The following MPRIP variants were observed in gnomAD, a reference collection of about 807,000 sequenced individuals.
MPRIP encodes myosin phosphatase Rho interacting protein.
Under a neutral mutation model 234.9 loss-of-function variants are expected in MPRIP, and 59 were observed. The observed-to-expected ratio is 0.25, with a 90% CI of 0.20 to 0.31. The LOEUF (loss-of-function observed/expected upper bound fraction) is 0.31. Among genes scored for constraint, MPRIP ranks in the 10% least tolerant of loss-of-function variants. The pLI, the probability that MPRIP is intolerant of heterozygous loss-of-function variation, is 1.00. For synonymous variants in MPRIP, 1,144 were observed against 1,263.9 expected (o/e 0.91, Z 2.01); for missense variants, 2,436 against 3,071.0 (o/e 0.79, Z 4.89).
Position 17,174,046 on chromosome 17 carries a change from G to A in MPRIP, c.6721G>A (p.Glu2241Lys). 1 of 1,613,416 alleles carries A rather than the reference G, an allele frequency of 6.2e-7. No individual in the cohort carries two copies. The highest frequency in any genetic ancestry group is 8.5e-7 in the Non-Finnish European group (1 of 1,180,016). ...ERQALRQCQR[E>K]NQELNAHNQE... ...GCAGGCCCTGCGGCAGTGCCAGCGT[G>A]AGAACCAGGAGCTCAATGCCCACAA... is the stretch of plus-strand genomic sequence containing the variant. The change falls in exon 19 of 24, where the codon GAG (glutamate) becomes AAG (lysine). Residue 2241 changes from glutamate (E) to lysine (K), a missense_variant. Physicochemically the swap from Glu to Lys is moderately conservative, Grantham distance 56 (BLOSUM62 1). Around this residue, in one of 4 missense-constraint regions of MPRIP, gnomAD observed 1,998 missense variants for 2,520.3 expected, o/e 0.79. Transcript: ENST00000651222.
At chr17:17,175,831 A>G (rs572519087) in intron 20 of MPRIP, among the ~76,000 whole-genome samples, 1 of 152,368 alleles carries the variant, frequency 6.6e-6, no homozygotes, top group African/African-American at 2.4e-5. Context: ...TCCACATTCA[A>G]TTAAAATTTC....
intron 14 of MPRIP, 110 bp downstream of exon 14, chr17:17,159,112 G>T: frequency 8.9e-7 from 1 of 1,126,952 alleles, no homozygotes; most frequent in African/African-American, 1.6e-5. Context: ...ACCCGCGAGG[G>T]ACTTGCAGAC....
intron 3 of MPRIP, among the ~76,000 whole-genome samples, chr17:17,113,033 G>A (rs962429175): frequency 6.6e-6 from 1 of 152,196 alleles, no homozygotes; most frequent in Non-Finnish European, 1.5e-5. Flanking sequence ...ATGAGCTTTG[G>A]GAGCTGTCCA....
At chr17:17,130,792 C>T (rs113777583) in intron 4 of MPRIP, among the ~76,000 whole-genome samples, 2,684 of 152,276 alleles carry the variant, frequency 0.018, 94 homozygotes, top group African/African-American at 0.061. Flanking sequence ...CGTCTAGCCC[C>T]CACAGGACTG....
In MPRIP at chr17:17,166,738, A is replaced by C; in HGVS notation, c.5147A>C (p.Gln1716Pro). Residue 1716 changes from glutamine to proline, a missense_variant, in exon 16 of 24, where the codon CAA (glutamine) becomes CCA (proline). Physicochemically the swap from Gln to Pro is moderately conservative, Grantham distance 76. Transcript: ENST00000651222. This position sits in a 1 kb window ranked among gnomAD's most constrained non-coding sequence, Gnocchi z 4.4. ...CLLREILGAY[Q>P]TPDFERVMQQ... Reference sequence around the variant, plus strand: ...CTGAGGGAAATCCTGGGAGCCTACCAAACCCCAGACTTTGAAAGAGTGATG... The same window carrying C: ...CTGAGGGAAATCCTGGGAGCCTACCCAACCCCAGACTTTGAAAGAGTGATG... 3 of 1,304,206 alleles carry C rather than the reference A, an allele frequency of 2.3e-6. No homozygotes were observed. Among genetic ancestry groups the C allele is most frequent in the Non-Finnish European group, 3.0e-6 (3 of 988,954 alleles). The allele number at this position is 1,304,206 out of a possible 1,614,324, so 80.8% of individuals were successfully genotyped here.
At chr17:17,043,514 T>TG (rs1349134668) in intron 1 of MPRIP, among the ~76,000 whole-genome samples, 1 of 152,150 alleles carries the variant, frequency 6.6e-6, no homozygotes, top group African/African-American at 2.4e-5. Flanking sequence ...AGCGGGGAGC[T>TG]GGGACCAGTT....
chr17:17,099,214 C>A (rs534562882), intron 3 of MPRIP, among the ~76,000 whole-genome samples: 5 of 152,272 alleles, frequency 3.3e-5, no homozygotes, highest in Non-Finnish European at 5.9e-5. Flanking sequence ...GGACACACTC[C>A]CCGTCCTCTG....
intron 18 of MPRIP, 70 bp downstream of exon 18, chr17:17,172,885 G>C: frequency 1.4e-6 from 2 of 1,395,710 alleles, no homozygotes; most frequent in East Asian, 4.6e-5. Context: ...CCACAGCTGG[G>C]CCCTTCCTGT....
In MPRIP at chr17:17,134,621, G is replaced by A. The variant is rs55881490; in HGVS notation, c.505-1598G>A. ...GAGCCTCCCTGCTTTTATCCTGTCC[G>A]TGAGGCCTGGAATCCTTGCAAAAGT... On this transcript the variant is annotated intron_variant, in intron 5 of 23. Coordinates refer to ENST00000651222, the MANE Select transcript of MPRIP (RefSeq NM_001364716.4). Among the ~76,000 whole-genome samples, 203 of 152,278 alleles carry A rather than the reference G, an allele frequency of 1.3e-3. 1 individual carries two copies. The highest frequency in any genetic ancestry group is 2.4e-3 in the Non-Finnish European group (163 of 68,018).
In MPRIP at chr17:17,190,703, CAGT is replaced by C. The variant is rs1433885133; in HGVS notation, c.*5812_*5814del. The C allele has an allele frequency of 6.6e-6, 1 of 152,150 alleles. No homozygotes were observed. Among genetic ancestry groups the C allele is most frequent in the Non-Finnish European group, 1.5e-5 (1 of 68,028 alleles). The allele number at this position is 152,150 out of a possible 1,614,324, so 9.4% of individuals were successfully genotyped here. A position where few individuals can be genotyped will look rare whatever the true frequency, so the allele number is the denominator to read the frequency against. The stretch of plus-strand genomic sequence containing the variant: ...AAGGCTCTTGGCAGGGTAGGGGAGT[CAGT>C]AGCTCAACACTAGATCATCCCTAGA... On this transcript the variant is annotated 3_prime_UTR_variant, in exon 24 of 24. Coordinates refer to ENST00000651222, the MANE Select transcript of MPRIP (RefSeq NM_001364716.4).
chr17:17,142,437 A>T (rs921268959), intron 7 of MPRIP, 190 bp from the exon 8 acceptor site: 1 of 610,460 alleles, frequency 1.6e-6, no homozygotes. Flanking sequence ...CGCAGGCCTG[A>T]TGGGAGGGAG....
intron 15 of MPRIP, among the ~76,000 whole-genome samples, chr17:17,162,510 C>T (rs560061932): frequency 6.4e-4 from 97 of 152,312 alleles, no homozygotes; most frequent in East Asian, 7.7e-4. Context: ...ATGCCCTAGA[C>T]TCTCCTCTCC....
Position 17,138,903 on chromosome 17 carries a change from G to A in MPRIP, c.1250+474G>A, listed in dbSNP as rs937161702. ...GACAGGCATGCCCAGGAAGGTGGGG[G>A]CAGCACAGGTTCCTCTCTCAAGGAC... On this transcript the variant is annotated intron_variant, in intron 7 of 23. Transcript: ENST00000651222. The surrounding 1 kb of genome is among the most constrained non-coding windows in gnomAD (Gnocchi z 5.8). 2.6e-5 allele frequency among the ~76,000 whole-genome samples: 4 copies of A among 152,322 alleles called. No individual in the cohort carries two copies. The highest frequency in any genetic ancestry group is 9.6e-5 in the African/African-American group (4 of 41,570).
In MPRIP at chr17:17,167,913, A is replaced by G; in HGVS notation, c.6322A>G (p.Lys2108Glu). 1 of 1,302,586 alleles carries G rather than the reference A, an allele frequency of 7.7e-7. No individual in the cohort carries two copies. The highest frequency in any genetic ancestry group is 1.0e-6 in the Non-Finnish European group (1 of 988,322). 80.7% of individuals were successfully genotyped at this position (1,302,586 alleles called of 1,614,324 possible). A position where few individuals can be genotyped will look rare whatever the true frequency, so the allele number is the denominator to read the frequency against. ...GTACCAGAGGGACTTGGAGAGCCTT[A>G]AGGTCTTAACGCCCCATTCAATTTG... ...EKYQRDLESL[K>E]ATCERGFAAM... Residue 2108 changes from lysine (K) to glutamate (E), a missense_variant and splice_region_variant, in exon 16 of 24, where the codon AAG becomes GAG. Around this residue, in one of 4 missense-constraint regions of MPRIP, gnomAD observed 1,998 missense variants for 2,520.3 expected, o/e 0.79. Transcript: ENST00000651222. This position sits in a 1 kb window ranked among gnomAD's most constrained non-coding sequence, Gnocchi z 5.9.
chr17:17,095,849 GCCT>G (rs910470957), intron 3 of MPRIP, among the ~76,000 whole-genome samples: 1 of 152,126 alleles, frequency 6.6e-6, no homozygotes, highest in African/African-American at 2.4e-5. Context: ...GTGCCAGCCT[GCCT>G]CCTCCTAGCT....
rs892628561 is a variant in MPRIP, at chr17:17,064,352, C to T, written c.124-11358C>T. ...AAGTAGCTGGGACTACAGGTGCGTG[C>T]CACTGTTTTTCCTTTTTTATTAAAC... On this transcript the variant is annotated intron_variant, in intron 1 of 23. Transcript: ENST00000651222. Among the ~76,000 whole-genome samples, 4 of 152,116 alleles carry T rather than the reference C, an allele frequency of 2.6e-5. 1 individual carries two copies. The highest frequency in any genetic ancestry group is 9.6e-5 in the African/African-American group (4 of 41,468).
chr17:17,170,406 G>A (rs1026752754), intron 16 of MPRIP, among the ~76,000 whole-genome samples: 5 of 152,070 alleles, frequency 3.3e-5, no homozygotes, highest in African/African-American at 1.2e-4. Flanking sequence ...CTGGGAGAGG[G>A]GATGGGACGC....
At chr17:17,152,896 A>G (rs1288152505) in intron 12 of MPRIP, among the ~76,000 whole-genome samples, 1 of 152,240 alleles carries the variant, frequency 6.6e-6, no homozygotes, top group African/African-American at 2.4e-5. Context: ...AGAAGCCAGC[A>G]GAAGAGCTGA....
At position 17,171,699 on chromosome 17, in the gene MPRIP, T is replaced by A; in HGVS notation, c.6325-19T>A. The A allele has an allele frequency of 6.2e-7, 1 of 1,603,140 alleles. No homozygotes were observed. Among genetic ancestry groups the A allele is most frequent in the Non-Finnish European group, 8.5e-7 (1 of 1,177,654 alleles). ...GAGGTAAAGAAAGAAGTCGATGAAG[T>A]CCCTTTTGCATTTTGCAGGCCACGT... On this transcript the variant is annotated intron_variant, in intron 16 of 23. Coordinates refer to ENST00000651222, the MANE Select transcript of MPRIP (RefSeq NM_001364716.4).
Sources: gnomAD v4.1 joint callset for allele counts (sites outside exome capture counted in the v4.1 genomes callset) on GRCh38, gnomAD v4.1.1 for gene constraint, gnomAD v4.1.1 regional missense constraint, Gnocchi (gnomAD v3.1) non-coding constraint, MANE v1.5 for transcripts, NCBI Gene and HGNC (gene_info 2026-07-23, HGNC 2026-07-21) for gene names.